COMMD1: variants seen among roughly 807,000 people sequenced by gnomAD.
The protein encoded by COMMD1 is COMM domain-containing protein 1.
COMMD1 carries 10 observed loss-of-function variants against 17.2 expected under a neutral mutation model. The ratio of observed to expected loss-of-function variants is 0.58; its 90% CI spans 0.36 to 0.99. The LOEUF (loss-of-function observed/expected upper bound fraction) is 0.99. Among genes scored for constraint, COMMD1 ranks in the 50% least tolerant of loss-of-function variants. The pLI is 0.01. For missense variants in COMMD1, 270 were observed against 231.8 expected, an observed-to-expected ratio of 1.17 and a Z score of -1.07; for synonymous variants, 97 against 91.6, an observed-to-expected ratio of 1.06 and a Z score of -0.34.
At chr2:61,888,653 G>A (rs907849450), upstream of COMMD1, 18 of 942,896 alleles carry the variant, frequency 1.9e-5, no homozygotes, top group East Asian at 3.4e-4. Flanking sequence ...CGGAGGCGGA[G>A]AAGGGGGCCT....
At chr2:62,042,334 G>C (rs1670239090) in intron 2 of COMMD1, among the ~76,000 whole-genome samples, 1 of 152,092 alleles carries the variant, frequency 6.6e-6, no homozygotes. Context: ...ACTGAGTACT[G>C]ATTGGTGCAT....
At chr2:62,076,743 T>A (rs1231886564) in intron 2 of COMMD1, among the ~76,000 whole-genome samples, 1 of 151,942 alleles carries the variant, frequency 6.6e-6, no homozygotes, top group Non-Finnish European at 1.5e-5. Context: ...CAAGACTCCA[T>A]CTCAAAAATA....
At chr2:62,039,104 G>T (rs954101685) in intron 2 of COMMD1, among the ~76,000 whole-genome samples, 3 of 152,138 alleles carry the variant, frequency 2.0e-5, no homozygotes, top group African/African-American at 7.2e-5. Flanking sequence ...TTTATTTCCA[G>T]CCTTTGAAGG....
chr2:62,088,785 GC>G (rs1439338408), intron 2 of COMMD1, among the ~76,000 whole-genome samples: 1 of 152,210 alleles, frequency 6.6e-6, no homozygotes, highest in Non-Finnish European at 1.5e-5. Flanking sequence ...AGTGATCATG[GC>G]CCCTGACACA....
chr2:61,971,817 A>G (rs540158316), intron 1 of COMMD1, among the ~76,000 whole-genome samples: 46 of 151,936 alleles, frequency 3.0e-4, no homozygotes, highest in African/African-American at 1.0e-3. Flanking sequence ...CTTTTTTGAC[A>G]TGGAGTAAAA....
At chr2:62,014,787 G>C (rs1206498528) in intron 2 of COMMD1, among the ~76,000 whole-genome samples, 1 of 151,486 alleles carries the variant, frequency 6.6e-6, no homozygotes, top group Non-Finnish European at 1.5e-5. Flanking sequence ...GTATGGTCTT[G>C]AACTCCTGAC....
chr2:61,920,220 A>G (rs1670154311), intron 1 of COMMD1, among the ~76,000 whole-genome samples: 1 of 152,132 alleles, frequency 6.6e-6, no homozygotes, highest in Non-Finnish European at 1.5e-5. Flanking sequence ...TAGTAGGGCT[A>G]TGGTTATAAG....
At chr2:62,133,899 C>T (rs540425300) in intron 2 of COMMD1, among the ~76,000 whole-genome samples, 1 of 152,280 alleles carries the variant, frequency 6.6e-6, no homozygotes, top group South Asian at 2.1e-4. Flanking sequence ...TCAAGCAATC[C>T]TCCCACCTCA....
intron 2 of COMMD1, among the ~76,000 whole-genome samples, chr2:62,022,462 T>C (rs1669636334): frequency 6.7e-6 from 1 of 150,254 alleles, no homozygotes. Flanking sequence ...TTTTTTTTTT[T>C]TTTTTTTTAC....
intron 1 of COMMD1, among the ~76,000 whole-genome samples, chr2:61,974,822 A>G (rs1671749390): frequency 6.6e-6 from 1 of 152,092 alleles, no homozygotes; most frequent in African/African-American, 2.4e-5. Context: ...AATATCTTGC[A>G]TTGATGTGGT....
At chr2:62,045,031 A>G (rs1039759318) in intron 2 of COMMD1, among the ~76,000 whole-genome samples, 29 of 152,290 alleles carry the variant, frequency 1.9e-4, no homozygotes, top group African/African-American at 7.0e-4. Flanking sequence ...CAGTAGGGAA[A>G]GGGTTTAATT....
At chr2:61,978,441 C>T (rs1179094628) in intron 1 of COMMD1, among the ~76,000 whole-genome samples, 1 of 152,060 alleles carries the variant, frequency 6.6e-6, no homozygotes, top group Non-Finnish European at 1.5e-5. Flanking sequence ...AAGGTTTTTT[C>T]CTTCAAATAT....
At chr2:61,989,831 A>G (rs993983101) in intron 1 of COMMD1, among the ~76,000 whole-genome samples, 1 of 152,164 alleles carries the variant, frequency 6.6e-6, no homozygotes, top group Non-Finnish European at 1.5e-5. Context: ...TAGAGCGCCT[A>G]CTGTGTTCCA....
chr2:62,082,627 C>T (rs1385873028), intron 2 of COMMD1, among the ~76,000 whole-genome samples: 3 of 151,754 alleles, frequency 2.0e-5, no homozygotes, highest in Admixed American at 6.6e-5. Flanking sequence ...TTTGGGAGGC[C>T]GAGGCAGGCG....
At chr2:62,012,149 T>C (rs2103832934) in intron 2 of COMMD1, among the ~76,000 whole-genome samples, 1 of 151,804 alleles carries the variant, frequency 6.6e-6, no homozygotes, top group South Asian at 2.1e-4. Context: ...CTCAGCTGCT[T>C]GGGAGGCTGA....
chr2:61,902,097 C>T (rs185196205), upstream of COMMD1, among the ~76,000 whole-genome samples: 1,603 of 151,958 alleles, frequency 0.011, 10 homozygotes, highest in Non-Finnish European at 0.017. Flanking sequence ...TCCCAAAGTT[C>T]TGGGATTACA....
At chr2:61,888,464 G>T, upstream of COMMD1, 1 of 1,611,978 alleles carries the variant, frequency 6.2e-7, no homozygotes, top group South Asian at 1.1e-5. Flanking sequence ...GCCGCCGGCA[G>T]CCCCGGCAGT....
chr2:62,115,520 C>T (rs986900327), intron 2 of COMMD1, among the ~76,000 whole-genome samples: 10 of 152,188 alleles, frequency 6.6e-5, no homozygotes, highest in African/African-American at 2.4e-4. Flanking sequence ...GTTATGACAT[C>T]TAAATCCAGT....
At chr2:62,095,651 G>GT (rs147251736) in intron 2 of COMMD1, among the ~76,000 whole-genome samples, 4,760 of 151,016 alleles carry the variant, frequency 0.032, 117 homozygotes, top group East Asian at 0.08. Flanking sequence ...AATCGTATAA[G>GT]TGCAACTGAC....
Sources: allele counts gnomAD v4.1 joint callset (sites outside exome capture counted in the v4.1 genomes callset), GRCh38; gene constraint gnomAD v4.1.1; transcripts MANE v1.5; gene names NCBI Gene and HGNC (gene_info 2026-07-23, HGNC 2026-07-21).